BCAS3: variants seen among roughly 807,000 people sequenced by gnomAD.
BCAS3 encodes BCAS3 microtubule associated cell migration factor, also known as BCAS4/BCAS3 fusion.
BCAS3 carries 53 observed loss-of-function variants against 116.1 expected under a neutral mutation model. The observed-to-expected ratio is 0.46, with a 90% confidence interval of 0.37 to 0.57. The LOEUF is 0.57. Ranked by LOEUF, BCAS3 falls within the 20% of genes least tolerant of loss-of-function variation. BCAS3 has a pLI of 0.00. For synonymous variants in BCAS3, 391 were observed against 408.2 expected, an observed-to-expected ratio of 0.96 and a Z score of 0.51; for missense variants, 917 against 1,165.4, an observed-to-expected ratio of 0.79 and a Z score of 3.10.
intron 22 of BCAS3, among the ~76,000 whole-genome samples, chr17:61,293,864 G>A (rs1298179826): frequency 3.9e-5 from 6 of 152,176 alleles, no homozygotes; most frequent in African/African-American, 4.8e-5. Flanking sequence ...AGGTTCAAGC[G>A]ATCCTCCCAC....
chr17:61,058,770 G>T (rs2069658754), intron 19 of BCAS3, among the ~76,000 whole-genome samples: 1 of 152,054 alleles, frequency 6.6e-6, no homozygotes, highest in African/African-American at 2.4e-5. Context: ...TATGATTATA[G>T]AAAAGATTAT....
intron 6 of BCAS3, among the ~76,000 whole-genome samples, chr17:60,747,684 T>C (rs2042121322): frequency 6.6e-6 from 1 of 152,144 alleles, no homozygotes; most frequent in African/African-American, 2.4e-5. Context: ...TCTCTATTGT[T>C]CTCATGCCTT....
intron 5 of BCAS3, among the ~76,000 whole-genome samples, chr17:60,713,394 T>C (rs2038164194): frequency 6.6e-6 from 1 of 152,222 alleles, no homozygotes; most frequent in African/African-American, 2.4e-5. Flanking sequence ...GCATATATGC[T>C]AGACAGTGGG....
chr17:61,074,164 G>A (rs997094873), intron 19 of BCAS3, among the ~76,000 whole-genome samples: 1 of 150,666 alleles, frequency 6.6e-6, no homozygotes, highest in Admixed American at 6.6e-5. Context: ...AGGTTGGGGG[G>A]TTATATGGGA....
chr17:60,689,073 C>T (rs2034465439), intron 3 of BCAS3: 1 of 152,178 alleles, frequency 6.6e-6, no homozygotes, highest in Admixed American at 6.6e-5. Context: ...TTTTCTAAGC[C>T]TTATTTGTTG....
intron 6 of BCAS3, among the ~76,000 whole-genome samples, chr17:60,766,312 C>T (rs2044088655): frequency 6.6e-6 from 1 of 152,156 alleles, no homozygotes; most frequent in Non-Finnish European, 1.5e-5. Context: ...GGTTTCTCCC[C>T]ATCTTTGTGG....
intron 22 of BCAS3, among the ~76,000 whole-genome samples, chr17:61,169,470 G>A (rs1224738460): frequency 6.6e-6 from 1 of 152,024 alleles, no homozygotes; most frequent in East Asian, 1.9e-4. Flanking sequence ...ATGGGGTTTT[G>A]CTATGTTGAC....
At chr17:61,191,402 G>A (rs1282800072) in intron 22 of BCAS3, among the ~76,000 whole-genome samples, 2 of 152,170 alleles carry the variant, frequency 1.3e-5, no homozygotes, top group Non-Finnish European at 2.9e-5. Context: ...AAAGGACAAA[G>A]TAATAACTTT....
chr17:60,963,485 A>G (rs1199235927), intron 14 of BCAS3, among the ~76,000 whole-genome samples: 1 of 150,618 alleles, frequency 6.6e-6, no homozygotes, highest in Non-Finnish European at 1.5e-5. Flanking sequence ...TTTTGTAGCT[A>G]TTACAAATGG....
chr17:60,810,700 G>T, intron 7 of BCAS3: 1 of 667,764 alleles, frequency 1.5e-6, no homozygotes, highest in South Asian at 1.4e-5. Flanking sequence ...CTAGTCTGTG[G>T]AGAGGGACAT....
rs752145805 is a variant in BCAS3 at position 61,040,906 on chromosome 17, A to AT, written c.2029+24dup. The AT allele has an allele frequency of 2.5e-3, 3,711 of 1,493,342 alleles. 1 individual carries two copies. The highest frequency in any genetic ancestry group is 2.7e-3 in the South Asian group (224 of 81,502). 92.5% of individuals were successfully genotyped at this position (1,493,342 alleles called of 1,614,324 possible). On this transcript the variant is annotated intron_variant, in intron 19 of 23. Coordinates refer to ENST00000407086, the MANE Select transcript of BCAS3 (RefSeq NM_017679.5). ...TGCTTGCTGGCCGTAAGTAGTTCAG[A>AT]TTTTTTTTTTCCTTTCGTATGGTCT...
intron 16 of BCAS3, among the ~76,000 whole-genome samples, chr17:61,033,438 TA>T (rs886128853): frequency 6.6e-6 from 1 of 152,152 alleles, no homozygotes; most frequent in African/African-American, 2.4e-5. Flanking sequence ...CTATTTTACA[TA>T]TTAGTAGTCT....
intron 9 of BCAS3, among the ~76,000 whole-genome samples, chr17:60,885,983 C>T (rs1303322626): frequency 6.4e-4 from 82 of 128,830 alleles, no homozygotes; most frequent in African/African-American, 1.5e-3. Flanking sequence ...TGAATCTGAA[C>T]GTTGGCCTGC....
intron 5 of BCAS3, among the ~76,000 whole-genome samples, chr17:60,723,453 T>C (rs2039464497): frequency 6.6e-6 from 1 of 152,112 alleles, no homozygotes; most frequent in African/African-American, 2.4e-5. Context: ...CTCAAACTCC[T>C]GGCCTCAAGT....
intron 22 of BCAS3, among the ~76,000 whole-genome samples, chr17:61,185,604 C>T (rs1601788458): frequency 6.6e-6 from 1 of 152,048 alleles, no homozygotes; most frequent in South Asian, 2.1e-4. Flanking sequence ...GTCAAACTGT[C>T]CTTATTTCCT....
At chr17:61,030,696 C>T (rs924667279) in intron 16 of BCAS3, among the ~76,000 whole-genome samples, 3 of 151,824 alleles carry the variant, frequency 2.0e-5, no homozygotes, top group Middle Eastern at 3.4e-3. Context: ...TGTTTGCTTG[C>T]GTGTTTGTTT....
chr17:61,093,922 T>C (rs556432466), intron 22 of BCAS3, among the ~76,000 whole-genome samples: 255 of 152,378 alleles, frequency 1.7e-3, no homozygotes, highest in Non-Finnish European at 3.1e-3. Context: ...TGTACGAACA[T>C]ACCAGTGGTT....
At chr17:61,234,888 C>CTTATTTAT (rs34227181) in intron 22 of BCAS3, among the ~76,000 whole-genome samples, 108 of 151,004 alleles carry the variant, frequency 7.2e-4, no homozygotes, top group African/African-American at 2.2e-3. Context: ...TATTTATTTA[C>CTTATTTAT]TTATTTATTT....
At chr17:61,053,132 A>C (rs1348197932) in intron 19 of BCAS3, among the ~76,000 whole-genome samples, 2 of 152,166 alleles carry the variant, frequency 1.3e-5, no homozygotes, top group Non-Finnish European at 2.9e-5. Context: ...ATTTACATAC[A>C]ATAAAGTAGA....
Sources: allele counts gnomAD v4.1 joint callset (sites outside exome capture counted in the v4.1 genomes callset), GRCh38; gene constraint gnomAD v4.1.1; transcripts MANE v1.5; gene names NCBI Gene and HGNC (gene_info 2026-07-23, HGNC 2026-07-21).